Variants in SPDYA observed in about 807,000 individuals in gnomAD.
SPDYA encodes the protein speedy/RINGO cell cycle regulator family member A.
SPDYA carries 11 observed loss-of-function variants against 36.7 expected under a neutral mutation model. The ratio of observed to expected loss-of-function variants is 0.30; its 90% confidence interval spans 0.19 to 0.50. The LOEUF (loss-of-function observed/expected upper bound fraction) is 0.50, where lower values mean the gene tolerates loss of function less well. Ranked by LOEUF, SPDYA falls within the 20% of genes least tolerant of loss-of-function variation. The pLI, the probability that SPDYA is intolerant of heterozygous loss-of-function variation, is 0.98. For missense variants in SPDYA, 287 were observed against 370.9 expected, an observed-to-expected ratio of 0.77 and a Z score of 1.86; for synonymous variants, 115 against 118.7, an observed-to-expected ratio of 0.97 and a Z score of 0.20.
Position 28,850,557 on chromosome 2 carries a change from TACAG to T in SPDYA, c.*618_*621del. Reference sequence around the variant, plus strand: ...TTTAGAGCTACTCTGCCAGTTATTATACAGAAACTATTTGTCAATGATTATGTAA... The same window carrying T: ...TTTAGAGCTACTCTGCCAGTTATTATAAACTATTTGTCAATGATTATGTAA... On this transcript the variant is annotated 3_prime_UTR_variant, in exon 8 of 8. Coordinates refer to ENST00000334056, the MANE Select transcript of SPDYA (RefSeq NM_182756.4). The T allele has an allele frequency of 1.7e-6, 1 of 580,870 alleles. No homozygotes were observed. Among genetic ancestry groups the T allele is most frequent in the Non-Finnish European group, 3.0e-6 (1 of 328,238 alleles). 36.0% of individuals were successfully genotyped at this position (580,870 alleles called of 1,614,324 possible).
At chr2:28,822,605 T>TTTTA (rs1558323555) in intron 5 of SPDYA, among the ~76,000 whole-genome samples, 195 bp downstream of exon 5, 1 of 152,054 alleles carries the variant, frequency 6.6e-6, no homozygotes, top group African/African-American at 2.4e-5. Flanking sequence ...AGATTTCCTT[T>TTTTA]TTTATTTATT....
intron 7 of SPDYA, among the ~76,000 whole-genome samples, chr2:28,844,252 G>A (rs1223627838): frequency 1.3e-5 from 2 of 152,164 alleles, no homozygotes; most frequent in Non-Finnish European, 2.9e-5. Context: ...TTAATTCTGT[G>A]GGGTGAGAGG....
intron 6 of SPDYA, among the ~76,000 whole-genome samples, chr2:28,832,257 A>T (rs912386910): frequency 6.6e-6 from 1 of 152,162 alleles, no homozygotes; most frequent in Non-Finnish European, 1.5e-5. Flanking sequence ...TGTATTCCTC[A>T]ATCTACTCAA....
intron 1 of SPDYA, among the ~76,000 whole-genome samples, chr2:28,814,276 C>T (rs1439696411): frequency 6.6e-6 from 1 of 152,048 alleles, no homozygotes; most frequent in Admixed American, 6.6e-5. Context: ...CTGCATTTCA[C>T]TTTTACTGTT....
intron 7 of SPDYA, among the ~76,000 whole-genome samples, chr2:28,843,311 G>T (rs1668790894): frequency 6.6e-6 from 1 of 152,116 alleles, no homozygotes; most frequent in Non-Finnish European, 1.5e-5. Context: ...CACTTTGGGA[G>T]GCCAAGAGGG....
At chr2:28,812,407 C>T (rs944519160) in intron 1 of SPDYA, among the ~76,000 whole-genome samples, 1 of 151,644 alleles carries the variant, frequency 6.6e-6, no homozygotes, top group African/African-American at 2.4e-5. Flanking sequence ...CTTTATATCA[C>T]CCCCCAGAGA....
At chr2:28,844,753 G>A (rs1408795259) in intron 7 of SPDYA, among the ~76,000 whole-genome samples, 1 of 151,954 alleles carries the variant, frequency 6.6e-6, no homozygotes, top group African/African-American at 2.4e-5. Flanking sequence ...GACCAATATG[G>A]TGAAACCCCA....
chr2:28,834,961 T>C (rs1396892906), intron 6 of SPDYA, among the ~76,000 whole-genome samples: 1 of 152,230 alleles, frequency 6.6e-6, no homozygotes, highest in Non-Finnish European at 1.5e-5. Context: ...AACCATCATG[T>C]AACAGACTGC....
chr2:28,840,548 A>G, intron 7 of SPDYA, 79 bp downstream of exon 7: 4 of 1,521,308 alleles, frequency 2.6e-6, no homozygotes, highest in Non-Finnish European at 3.5e-6. Flanking sequence ...TGGCGGGGAT[A>G]CATAATAATT....
chr2:28,846,304 A>G (rs944110712), intron 7 of SPDYA, among the ~76,000 whole-genome samples: 1 of 152,166 alleles, frequency 6.6e-6, no homozygotes, highest in Non-Finnish European at 1.5e-5. Flanking sequence ...GCTACTCCAG[A>G]GACTGAGGCA....
At chr2:28,831,605 T>G (rs1269853503) in intron 6 of SPDYA, among the ~76,000 whole-genome samples, 1 of 152,212 alleles carries the variant, frequency 6.6e-6, no homozygotes, top group Non-Finnish European at 1.5e-5. Context: ...TGAATAAAAT[T>G]TGTAATTATT....
chr2:28,827,816 C>T (rs556886080), intron 5 of SPDYA, among the ~76,000 whole-genome samples: 31 of 152,158 alleles, frequency 2.0e-4, no homozygotes, highest in African/African-American at 7.0e-4. Flanking sequence ...GCTGTTACTC[C>T]TTCAAATGTC....
intron 7 of SPDYA, among the ~76,000 whole-genome samples, chr2:28,843,375 C>T (rs1447817364): frequency 6.6e-6 from 1 of 151,994 alleles, no homozygotes; most frequent in African/African-American, 2.4e-5. Context: ...CATGGTAAAA[C>T]CCTGTCTCTA....
At chr2:28,838,874 C>A (rs1222474886) in intron 6 of SPDYA, among the ~76,000 whole-genome samples, 1 of 152,180 alleles carries the variant, frequency 6.6e-6, no homozygotes, top group Admixed American at 6.5e-5. Context: ...CCTGGACTTT[C>A]TAAATGTTTT....
At chr2:28,837,574 C>G (rs904392990) in intron 6 of SPDYA, among the ~76,000 whole-genome samples, 8 of 152,074 alleles carry the variant, frequency 5.3e-5, no homozygotes, top group African/African-American at 1.9e-4. Context: ...AGGCACTGTT[C>G]TAAGTATTGC....
At chr2:28,818,874 T>C (rs1024295213) in intron 3 of SPDYA, among the ~76,000 whole-genome samples, 174 bp from the exon 4 acceptor site, 5 of 152,350 alleles carry the variant, frequency 3.3e-5, no homozygotes, top group Admixed American at 1.3e-4. Context: ...TTTCGTACAG[T>C]CTTTGCAATG....
chr2:28,814,376 G>A (rs1409813376), intron 1 of SPDYA, among the ~76,000 whole-genome samples: 2 of 152,176 alleles, frequency 1.3e-5, no homozygotes, highest in East Asian at 3.9e-4. Flanking sequence ...TGCTGTAAGA[G>A]GAAAATACGC....
intron 6 of SPDYA, among the ~76,000 whole-genome samples, chr2:28,839,266 T>C (rs1356407099): frequency 6.6e-6 from 1 of 152,196 alleles, no homozygotes; most frequent in African/African-American, 2.4e-5. Context: ...CCATGTTTTA[T>C]TTAACAAACC....
intron 7 of SPDYA, among the ~76,000 whole-genome samples, chr2:28,849,632 T>C (rs2148113453): frequency 6.6e-6 from 1 of 152,368 alleles, no homozygotes; most frequent in South Asian, 2.1e-4. Context: ...TCTTTCAAGC[T>C]GGTTAAAAAG....
Sources: gnomAD v4.1 joint callset for allele counts (sites outside exome capture counted in the v4.1 genomes callset) on GRCh38, gnomAD v4.1.1 for gene constraint, MANE v1.5 for transcripts, NCBI Gene and HGNC (gene_info 2026-07-23, HGNC 2026-07-21) for gene names.